The following KCNIP4 variants were observed in gnomAD, a reference collection of about 807,000 sequenced individuals.
KCNIP4 encodes potassium voltage-gated channel interacting protein 4, also known as Kv channel-interacting protein 4.
In KCNIP4, 12 loss-of-function variants were observed where a neutral mutation model predicts 34.0. That is an observed-to-expected ratio of 0.35 (90% CI 0.23 to 0.57). The LOEUF is 0.57. Among genes scored for constraint, KCNIP4 ranks in the 20% least tolerant of loss-of-function variants. The pLI, the probability that KCNIP4 is intolerant of heterozygous loss-of-function variation, is 0.83. For synonymous variants in KCNIP4, 124 were observed against 102.2 expected, an observed-to-expected ratio of 1.21 and a Z score of -1.29; for missense variants, 238 against 311.7, an observed-to-expected ratio of 0.76 and a Z score of 1.78.
chr4:21,523,922 A>C, intron 1 of KCNIP4, among the ~76,000 whole-genome samples: 1 of 152,044 alleles, frequency 6.6e-6, no homozygotes, highest in Non-Finnish European at 1.5e-5. Context: ...TACTCTTTTA[A>C]TGATATATTG....
intron 1 of KCNIP4, among the ~76,000 whole-genome samples, chr4:21,883,398 C>T (rs1250568560): frequency 6.6e-6 from 1 of 152,106 alleles, no homozygotes; most frequent in East Asian, 1.9e-4. Flanking sequence ...ATCCTTTTGC[C>T]TTGGCCTCCC....
At chr4:21,677,727 C>T (rs967609565) in intron 1 of KCNIP4, among the ~76,000 whole-genome samples, 1 of 152,152 alleles carries the variant, frequency 6.6e-6, no homozygotes, top group African/African-American at 2.4e-5. Context: ...ACCCTAGTCA[C>T]AGCCACCACT....
At chr4:21,085,177 C>T (rs959836621) in intron 1 of KCNIP4, among the ~76,000 whole-genome samples, 5 of 151,976 alleles carry the variant, frequency 3.3e-5, no homozygotes, top group African/African-American at 4.8e-5. Context: ...CGGAGGAGCT[C>T]TTATGAATAG....
At chr4:21,243,307 C>G (rs1165690033) in intron 1 of KCNIP4, among the ~76,000 whole-genome samples, 1 of 151,940 alleles carries the variant, frequency 6.6e-6, no homozygotes, top group Non-Finnish European at 1.5e-5. Flanking sequence ...GGTACAGAAC[C>G]CTTTATAGAA....
In KCNIP4 at chr4:20,759,023, A is replaced by C. The variant is rs1442081750; in HGVS notation, c.289-133T>G. 4.8e-6 allele frequency: 3 copies of C among 628,460 alleles called. No individual in the cohort carries two copies. In the African/African-American group the frequency reaches 5.5e-5, roughly 12 times the overall value. 38.9% of individuals were successfully genotyped at this position (628,460 alleles called of 1,614,324 possible). A position where few individuals can be genotyped will look rare whatever the true frequency, so the allele number is the denominator to read the frequency against. On this transcript the variant is annotated intron_variant, in intron 3 of 8. Coordinates refer to ENST00000382152, the MANE Select transcript of KCNIP4 (RefSeq NM_025221.6). Reference sequence around the variant, plus strand: ...ATTAACCATTCATCCATTATTACAAAGGGAATAAAAGCACACTATAAACTT... The same window carrying C: ...ATTAACCATTCATCCATTATTACAACGGGAATAAAAGCACACTATAAACTT...
At chr4:21,324,803 T>C (rs922596979) in intron 1 of KCNIP4, among the ~76,000 whole-genome samples, 2 of 151,950 alleles carry the variant, frequency 1.3e-5, no homozygotes, top group African/African-American at 2.4e-5. Context: ...AGACTGCCAT[T>C]GGTTATTTTG....
intron 1 of KCNIP4, among the ~76,000 whole-genome samples, chr4:21,385,431 GT>G (rs750696076): frequency 3.0e-4 from 46 of 152,226 alleles, no homozygotes; most frequent in Non-Finnish European, 5.7e-4. Context: ...TAGTACAATG[GT>G]TAGGACTGTG....
At chr4:21,690,058 G>T (rs1751144767) in intron 1 of KCNIP4, among the ~76,000 whole-genome samples, 1 of 149,532 alleles carries the variant, frequency 6.7e-6, no homozygotes. Context: ...AAACTGATTT[G>T]TTGGTAAAAC....
At chr4:21,179,694 A>C (rs1408437974) in intron 1 of KCNIP4, among the ~76,000 whole-genome samples, 1 of 152,206 alleles carries the variant, frequency 6.6e-6, no homozygotes, top group Non-Finnish European at 1.5e-5. Context: ...TGTGAGATAC[A>C]GGCTAACTTT....
At chr4:21,137,487 G>C (rs976258305) in intron 1 of KCNIP4, among the ~76,000 whole-genome samples, 24 of 151,920 alleles carry the variant, frequency 1.6e-4, no homozygotes, top group Non-Finnish European at 2.2e-4. Context: ...CATATCTTTA[G>C]TTAAAAAAAG....
intron 3 of KCNIP4, among the ~76,000 whole-genome samples, chr4:20,816,129 T>C (rs890573965): frequency 3.9e-5 from 6 of 151,960 alleles, no homozygotes; most frequent in Non-Finnish European, 7.4e-5. Context: ...GGTGCACACC[T>C]GTAGTCCCAG....
At chr4:21,778,423 T>C (rs1472711396) in intron 1 of KCNIP4, among the ~76,000 whole-genome samples, 6 of 151,140 alleles carry the variant, frequency 4.0e-5, no homozygotes, top group African/African-American at 1.5e-4. Flanking sequence ...CTGGTAGAAA[T>C]GGGATCGCAT....
intron 1 of KCNIP4, among the ~76,000 whole-genome samples, chr4:21,839,901 G>T (rs1191709139): frequency 1.3e-5 from 2 of 152,106 alleles, no homozygotes; most frequent in Non-Finnish European, 2.9e-5. Context: ...ATGCAAGTAA[G>T]ATGCCTTGGA....
chr4:20,835,776 T>A (rs1718968634), intron 3 of KCNIP4, among the ~76,000 whole-genome samples: 1 of 151,984 alleles, frequency 6.6e-6, no homozygotes. Context: ...ACTCAACAAT[T>A]TCCCCCCAGT....
rs180813109 is a variant in KCNIP4, at chr4:21,109,598, G to A, written c.62-226889C>T. 3.0e-3 allele frequency among the ~76,000 whole-genome samples: 454 copies of A among 152,288 alleles called. 4 individuals are homozygous for A. Among genetic ancestry groups the A allele is most frequent in the African/African-American group, 9.9e-3 (410 of 41,564 alleles). On this transcript the variant is annotated intron_variant, in intron 1 of 8. Transcript: ENST00000382152. ...CCCTGCTTTGGCTCGCGCATGGTGC[G>A]CTGCACCCACTGTCCTGCACCCACT...
At position 21,676,186 on chromosome 4, in the gene KCNIP4, AC is replaced by A. The variant is rs202054950; in HGVS notation, c.61+272384del. The stretch of plus-strand genomic sequence containing the variant: ...TGTTTTTATTATCAACATTTTTGAA[AC>A]TTTTACATTTTACTTCCCACAGTCA... On this transcript the variant is annotated intron_variant, in intron 1 of 8. Coordinates refer to ENST00000382152, the MANE Select transcript of KCNIP4 (RefSeq NM_025221.6). Among the ~76,000 whole-genome samples the A allele has an allele frequency of 5.1e-3, 781 of 152,278 alleles. 11 individuals are homozygous for A. The highest frequency in any genetic ancestry group is 0.016 in the Admixed American group (242 of 15,296).
At chr4:21,596,366 T>G (rs1400371242) in intron 1 of KCNIP4, among the ~76,000 whole-genome samples, 2 of 152,140 alleles carry the variant, frequency 1.3e-5, no homozygotes, top group Admixed American at 6.6e-5. Flanking sequence ...TTTATATATA[T>G]GTTACAAGAA....
In KCNIP4 at chr4:21,773,755, T is replaced by TTTTTTTTG. The variant is rs377403469; in HGVS notation, c.61+174815_61+174816insCAAAAAAA. Among the ~76,000 whole-genome samples the TTTTTTTTG allele has an allele frequency of 5.8e-3, 805 of 137,900 alleles. 16 individuals are homozygous for TTTTTTTTG. Among genetic ancestry groups the TTTTTTTTG allele is most frequent in the African/African-American group, 0.023 (689 of 29,640 alleles). The allele number at this position is 137,900 out of a possible 152,430, so 90.5% of individuals were successfully genotyped here. On this transcript the variant is annotated intron_variant, in intron 1 of 8. Transcript: ENST00000382152. The stretch of plus-strand genomic sequence containing the variant: ...CTGTTTTTTTTTGTTGTTTTTTTTT[T>TTTTTTTTG]TTTGTTTGTTTGTTTTTGTTTTGTT...
chr4:21,582,062 G>GGAATA (rs1741267074), intron 1 of KCNIP4: 1 of 150,896 alleles, frequency 6.6e-6, no homozygotes, highest in Non-Finnish European at 1.5e-5. Flanking sequence ...GGAATGGAAT[G>GGAATA]GAATGGAATG....
Sources: allele counts gnomAD v4.1 joint callset (sites outside exome capture counted in the v4.1 genomes callset), GRCh38; gene constraint gnomAD v4.1.1; transcripts MANE v1.5; gene names NCBI Gene and HGNC (gene_info 2026-07-23, HGNC 2026-07-21).